Variants in RAD51B observed in about 807,000 individuals in gnomAD.
RAD51B encodes RAD51 paralog B, also known as DNA repair protein RAD51 homolog 2.
A neutral mutation model predicts 42.2 loss-of-function variants in RAD51B; 38 were observed. That is an observed-to-expected ratio of 0.90 (90% CI 0.70 to 1.18). The LOEUF (loss-of-function observed/expected upper bound fraction) is 1.18. Ranked by LOEUF, RAD51B falls within the 50% of genes most tolerant of loss-of-function variation. RAD51B has a pLI of 0.00. For synonymous variants in RAD51B, 154 were observed against 145.2 expected (o/e 1.06, Z -0.43); for missense variants, 373 against 400.7 (o/e 0.93, Z 0.59).
intron 8 of RAD51B, among the ~76,000 whole-genome samples, chr14:68,355,945 T>G (rs1207263598): frequency 1.3e-5 from 2 of 152,164 alleles, no homozygotes; most frequent in Non-Finnish European, 2.9e-5. Flanking sequence ...TTCATTTAGG[T>G]TTTTTTATAT....
At chr14:68,669,575 T>C (rs544449392) in intron 11 of RAD51B, among the ~76,000 whole-genome samples, 1 of 152,134 alleles carries the variant, frequency 6.6e-6, no homozygotes, top group African/African-American at 2.4e-5. Context: ...ATTCCGTGCT[T>C]GTCAAATTCC....
chr14:68,208,196 A>G (rs1181259934), intron 7 of RAD51B, among the ~76,000 whole-genome samples: 1 of 152,192 alleles, frequency 6.6e-6, no homozygotes, highest in Non-Finnish European at 1.5e-5. Context: ...ACAGTGGGAA[A>G]AGCCTCAAAT....
At chr14:68,529,756 C>A (rs936926893) in intron 10 of RAD51B, among the ~76,000 whole-genome samples, 1 of 152,150 alleles carries the variant, frequency 6.6e-6, no homozygotes, top group African/African-American at 2.4e-5. Context: ...ACTAAGAAAA[C>A]CAGTCAACAA....
intron 10 of RAD51B, among the ~76,000 whole-genome samples, chr14:68,512,988 G>C (rs536181414): frequency 4.6e-5 from 7 of 152,282 alleles, no homozygotes; most frequent in Admixed American, 2.0e-4. Context: ...ATAGGAACAA[G>C]TGTGATGTGT....
rs58865001 is a variant in RAD51B, at chr14:68,573,980, ATGTG to A, written c.1037-20482_1037-20479del. On this transcript the variant is annotated intron_variant, in intron 10 of 10. Transcript: ENST00000487270. ...TGTGGGTGTGGGTGTCAGTGTGTGT[ATGTG>A]TGTGTGTGTGTGTGTGTGTGTGCTC... Among the ~76,000 whole-genome samples, 1,419 of 149,522 alleles carry A rather than the reference ATGTG, an allele frequency of 9.5e-3. 13 individuals are homozygous for A. The highest frequency in any genetic ancestry group is 0.015 in the African/African-American group (593 of 40,690).
chr14:68,177,306 T>C (rs1419730975), intron 7 of RAD51B, among the ~76,000 whole-genome samples: 1 of 152,218 alleles, frequency 6.6e-6, no homozygotes, highest in Non-Finnish European at 1.5e-5. Flanking sequence ...CACATGTGTG[T>C]GCATGCACTT....
At chr14:67,981,556 G>A (rs1367776582) in intron 7 of RAD51B, among the ~76,000 whole-genome samples, 8 of 152,066 alleles carry the variant, frequency 5.3e-5, no homozygotes, top group Admixed American at 3.9e-4. Context: ...GAAGTCACCC[G>A]CATGTCCATC....
intron 7 of RAD51B, among the ~76,000 whole-genome samples, chr14:67,926,469 C>G (rs2044509766): frequency 1.3e-5 from 2 of 151,828 alleles, no homozygotes; most frequent in Non-Finnish European, 2.9e-5. Flanking sequence ...GCTCATGTCA[C>G]TGTCAACATT....
At chr14:68,528,418 T>C (rs1887073940) in intron 10 of RAD51B, among the ~76,000 whole-genome samples, 1 of 152,266 alleles carries the variant, frequency 6.6e-6, no homozygotes, top group African/African-American at 2.4e-5. Flanking sequence ...CATATGTGAC[T>C]TTCATTGTAA....
At chr14:68,178,188 T>A (rs545582160) in intron 7 of RAD51B, among the ~76,000 whole-genome samples, 7 of 151,908 alleles carry the variant, frequency 4.6e-5, no homozygotes, top group South Asian at 2.1e-4. Flanking sequence ...TAAGTAACTT[T>A]AAAAAAAAAT....
intron 8 of RAD51B, among the ~76,000 whole-genome samples, chr14:68,365,999 CAG>C (rs2139931179): frequency 6.6e-6 from 1 of 152,040 alleles, no homozygotes; most frequent in South Asian, 2.1e-4. Flanking sequence ...ATTGCAAACA[CAG>C]AGCAATTCAA....
chr14:68,285,551 G>A (rs891169692), intron 7 of RAD51B, among the ~76,000 whole-genome samples: 1 of 152,110 alleles, frequency 6.6e-6, no homozygotes, highest in Non-Finnish European at 1.5e-5. Flanking sequence ...ATTATCCAGG[G>A]GCTGCTGTTT....
At chr14:68,462,864 A>G (rs2085879638) in intron 9 of RAD51B, among the ~76,000 whole-genome samples, 1 of 152,202 alleles carries the variant, frequency 6.6e-6, no homozygotes, top group South Asian at 2.1e-4. Context: ...TACCTACCAC[A>G]AGGAGCCCCA....
chr14:68,384,404 G>A (rs2083546696), intron 8 of RAD51B, among the ~76,000 whole-genome samples: 1 of 152,164 alleles, frequency 6.6e-6, no homozygotes. Context: ...TTGCTAGCTG[G>A]CACAGTAATA....
At chr14:67,964,207 G>T (rs2074723680) in intron 7 of RAD51B, among the ~76,000 whole-genome samples, 1 of 151,900 alleles carries the variant, frequency 6.6e-6, no homozygotes, top group Non-Finnish European at 1.5e-5. Flanking sequence ...TTATTTTCTT[G>T]TTCATGAAAA....
chr14:68,065,020 A>T (rs775668043), intron 7 of RAD51B, among the ~76,000 whole-genome samples: 1 of 152,038 alleles, frequency 6.6e-6, no homozygotes, highest in Non-Finnish European at 1.5e-5. Context: ...TGGTGGTGTC[A>T]TGTTTCATTG....
At chr14:68,318,176 C>G (rs1317135148) in intron 8 of RAD51B, among the ~76,000 whole-genome samples, 1 of 152,186 alleles carries the variant, frequency 6.6e-6, no homozygotes, top group Non-Finnish European at 1.5e-5. Context: ...CGTTTTTGAC[C>G]AGCACGTAAT....
At chr14:68,263,605 T>G (rs969912273) in intron 7 of RAD51B, among the ~76,000 whole-genome samples, 3 of 152,230 alleles carry the variant, frequency 2.0e-5, no homozygotes, top group Non-Finnish European at 1.5e-5. Context: ...TTCATAATGC[T>G]TTTTTTCTGA....
intron 7 of RAD51B, among the ~76,000 whole-genome samples, chr14:68,231,010 G>A (rs2080138739): frequency 6.6e-6 from 1 of 152,122 alleles, no homozygotes; most frequent in African/African-American, 2.4e-5. Context: ...CAGGATTTGA[G>A]TCTTTGAGGG....
Sources: allele counts gnomAD v4.1 joint callset (sites outside exome capture counted in the v4.1 genomes callset), GRCh38; gene constraint gnomAD v4.1.1; transcripts MANE v1.5; gene names NCBI Gene and HGNC (gene_info 2026-07-23, HGNC 2026-07-21).